The following CTNNA2 variants were observed in gnomAD, a reference collection of about 807,000 sequenced individuals.
CTNNA2 encodes the protein catenin alpha-2.
Under a neutral mutation model 101.0 loss-of-function variants are expected in CTNNA2, and 42 were observed. The observed-to-expected ratio is 0.42, with a 90% CI of 0.32 to 0.54. The LOEUF (loss-of-function observed/expected upper bound fraction) is 0.54. CTNNA2 is among the 20% of genes least tolerant of loss of function. CTNNA2 has a pLI of 0.14. For missense variants in CTNNA2, 871 were observed against 1,223.1 expected, an observed-to-expected ratio of 0.71 and a Z score of 4.29; for synonymous variants, 450 against 456.4, an observed-to-expected ratio of 0.99 and a Z score of 0.18.
intron 18 of CTNNA2, among the ~76,000 whole-genome samples, chr2:80,635,821 A>C (rs908522263): frequency 6.6e-6 from 1 of 152,116 alleles, no homozygotes; most frequent in Non-Finnish European, 1.5e-5. Flanking sequence ...ATCAGTAGGA[A>C]AAAAGGACCT....
intron 7 of CTNNA2, among the ~76,000 whole-genome samples, chr2:80,073,333 C>T (rs1047795920): frequency 6.6e-6 from 1 of 152,090 alleles, no homozygotes; most frequent in African/African-American, 2.4e-5. Context: ...TGAGGGTAAG[C>T]GCAGAGGTCC....
At chr2:80,046,183 T>C (rs571101723) in intron 7 of CTNNA2, among the ~76,000 whole-genome samples, 20 of 152,260 alleles carry the variant, frequency 1.3e-4, no homozygotes, top group African/African-American at 4.3e-4. Context: ...ACAAGGAAGA[T>C]TTGAGAGCAA....
At chr2:80,258,317 A>G (rs1014934640) in intron 7 of CTNNA2, among the ~76,000 whole-genome samples, 2 of 152,204 alleles carry the variant, frequency 1.3e-5, no homozygotes, top group African/African-American at 4.8e-5. Context: ...TTTTGCACTT[A>G]GGAAGCTTGC....
chr2:80,348,686 T>C (rs1314064835), intron 7 of CTNNA2, among the ~76,000 whole-genome samples: 1 of 152,120 alleles, frequency 6.6e-6, no homozygotes, highest in Non-Finnish European at 1.5e-5. Context: ...TGTAGCTTTT[T>C]GAAATTTTGT....
chr2:79,527,472 T>TAAAAAAAAAAAAA (rs1672479848), intron 1 of CTNNA2, among the ~76,000 whole-genome samples: 1 of 27,206 alleles, frequency 3.7e-5, no homozygotes. Context: ...CTACTAAAAA[T>TAAAAAAAAAAAAA]ACAAAAAAAA....
chr2:79,348,662 T>A (rs1397419435), intron 3 of CTNNA2, among the ~76,000 whole-genome samples: 1 of 152,204 alleles, frequency 6.6e-6, no homozygotes, highest in Admixed American at 6.5e-5. Context: ...ATTACCTAGG[T>A]CGCAGAGATT....
chr2:80,550,433 G>A (rs933561211), intron 11 of CTNNA2, among the ~76,000 whole-genome samples: 1 of 152,126 alleles, frequency 6.6e-6, no homozygotes, highest in Admixed American at 6.5e-5. Flanking sequence ...TGCGTTGATT[G>A]ACTATTCCTT....
At chr2:80,100,332 A>G (rs1266521712) in intron 7 of CTNNA2, among the ~76,000 whole-genome samples, 1 of 152,154 alleles carries the variant, frequency 6.6e-6, no homozygotes, top group Non-Finnish European at 1.5e-5. Flanking sequence ...TCGTTCTTCA[A>G]ATACTGCTTT....
intron 3 of CTNNA2, among the ~76,000 whole-genome samples, chr2:79,323,688 G>A (rs142416942): frequency 1.1e-3 from 169 of 152,292 alleles, no homozygotes; most frequent in Non-Finnish European, 2.1e-3. Context: ...CCTTTTTAGT[G>A]ATTGGTGCAG....
chr2:79,830,062 G>A (rs1193722952), intron 3 of CTNNA2, among the ~76,000 whole-genome samples: 1 of 152,228 alleles, frequency 6.6e-6, no homozygotes, highest in East Asian at 1.9e-4. Flanking sequence ...GAGACGATGC[G>A]GACCTGGAGA....
At chr2:80,246,637 C>A (rs1671350932) in intron 7 of CTNNA2, among the ~76,000 whole-genome samples, 1 of 152,194 alleles carries the variant, frequency 6.6e-6, no homozygotes, top group Non-Finnish European at 1.5e-5. Context: ...CATAATACCA[C>A]AAACAGGACA....
intron 4 of CTNNA2, among the ~76,000 whole-genome samples, chr2:79,389,146 AC>A (rs1303670096): frequency 6.6e-6 from 1 of 152,248 alleles, no homozygotes; most frequent in Non-Finnish European, 1.5e-5. Context: ...AAGAATACAA[AC>A]AAAAATATGT....
chr2:80,088,260 G>A (rs1699572629), intron 7 of CTNNA2, among the ~76,000 whole-genome samples: 2 of 152,002 alleles, frequency 1.3e-5, no homozygotes, highest in South Asian at 2.1e-4. Context: ...TCTCTGCTAT[G>A]TGTTTTACTG....
At chr2:79,223,812 A>G (rs1558578853) in intron 2 of CTNNA2, among the ~76,000 whole-genome samples, 2 of 152,196 alleles carry the variant, frequency 1.3e-5, no homozygotes, top group South Asian at 2.1e-4. Context: ...ATTTACCACA[A>G]TAAATGGTCT....
chr2:79,603,058 A>ATAT (rs1017413507), intron 1 of CTNNA2, among the ~76,000 whole-genome samples: 1 of 152,192 alleles, frequency 6.6e-6, no homozygotes, highest in East Asian at 1.9e-4. Context: ...AAACAAAGGG[A>ATAT]TATTCATGCA....
chr2:79,316,033 G>A (rs551089796), intron 3 of CTNNA2, among the ~76,000 whole-genome samples: 1 of 152,040 alleles, frequency 6.6e-6, no homozygotes, highest in East Asian at 1.9e-4. Context: ...ATTTTTTGGT[G>A]TTTTATCCAA....
intron 2 of CTNNA2, among the ~76,000 whole-genome samples, chr2:79,670,060 G>A (rs967218587): frequency 1.3e-5 from 2 of 152,158 alleles, no homozygotes; most frequent in African/African-American, 4.8e-5. Context: ...GAACAGGGTT[G>A]GGGGATACTT....
At chr2:80,242,255 A>G (rs1026489841) in intron 7 of CTNNA2, among the ~76,000 whole-genome samples, 4 of 152,188 alleles carry the variant, frequency 2.6e-5, no homozygotes, top group Admixed American at 1.3e-4. Context: ...TTGAAAGGCT[A>G]TTGTATCCAA....
chr2:79,685,095 A>T (rs4852512), intron 2 of CTNNA2, among the ~76,000 whole-genome samples: 12,283 of 152,214 alleles, frequency 0.081, 542 homozygotes, highest in Non-Finnish European at 0.1. Flanking sequence ...CTGATATTAA[A>T]TATTCCTTTA....
Sources: allele counts gnomAD v4.1 joint callset (sites outside exome capture counted in the v4.1 genomes callset), GRCh38; gene constraint gnomAD v4.1.1; transcripts MANE v1.5; gene names NCBI Gene and HGNC (gene_info 2026-07-23, HGNC 2026-07-21).